L3MBTL4: variants seen among roughly 807,000 people sequenced by gnomAD.
L3MBTL4 encodes the protein L3MBTL histone methyl-lysine binding protein 4, also known as lethal(3)malignant brain tumor-like protein 4.
L3MBTL4 carries 70 observed loss-of-function variants against 84.5 expected under a neutral mutation model. The ratio of observed to expected loss-of-function variants is 0.83; its 90% CI spans 0.68 to 1.01. The LOEUF is 1.01. Among genes scored for constraint, L3MBTL4 ranks in the 50% least tolerant of loss-of-function variants. The pLI is 0.00. For synonymous variants in L3MBTL4, 274 were observed against 259.8 expected (o/e 1.05, Z -0.52); for missense variants, 715 against 754.8 (o/e 0.95, Z 0.62).
chr18:6,055,222 C>A (rs2056979870), intron 16 of L3MBTL4, among the ~76,000 whole-genome samples: 1 of 152,172 alleles, frequency 6.6e-6, no homozygotes, highest in South Asian at 2.1e-4. Flanking sequence ...GATATTTTAA[C>A]CTTTGGCACA....
In L3MBTL4 at chr18:6,247,645, A is replaced by AT. The variant is rs58646046; in HGVS notation, c.220-3058dup. ...AGGTGTAAGCCACCATGCCCGGCTA[A>AT]TTTTTTTTTTTTTTTTTTTGTATTT... On this transcript the variant is annotated intron_variant, in intron 5 of 18. Transcript: ENST00000317931. Among the ~76,000 whole-genome samples, 847 of 127,756 alleles carry AT rather than the reference A, an allele frequency of 6.6e-3. 6 individuals carry two copies. Among genetic ancestry groups the AT allele is most frequent in the African/African-American group, 9.9e-3 (334 of 33,762 alleles). The allele number at this position is 127,756 out of a possible 152,430, so 83.8% of individuals were successfully genotyped here.
At position 6,361,020 on chromosome 18, in the gene L3MBTL4, T is replaced by TAAA. The variant is rs34239414; in HGVS notation, c.-90-48967_-90-48965dup. Among the ~76,000 whole-genome samples, 128 of 110,036 alleles carry TAAA rather than the reference T, an allele frequency of 1.2e-3. 1 individual carries two copies. Among genetic ancestry groups the TAAA allele is most frequent in the African/African-American group, 4.0e-3 (125 of 31,544 alleles). 72.2% of individuals were successfully genotyped at this position (110,036 alleles called of 152,430 possible). The stretch of plus-strand genomic sequence containing the variant: ...GCAAGAGAATAAGACTCTACCTGAT[T>TAAA]AAAAAAAAAAAAAAAAAAGATACTG... On this transcript the variant is annotated intron_variant, in intron 1 of 18. Coordinates refer to ENST00000317931, the MANE Select transcript of L3MBTL4 (RefSeq NM_001330559.2).
chr18:6,164,164 G>C (rs1225998156), intron 13 of L3MBTL4, among the ~76,000 whole-genome samples: 1 of 152,198 alleles, frequency 6.6e-6, no homozygotes, highest in African/African-American at 2.4e-5. Flanking sequence ...GGCTTGAGTA[G>C]GTAAACAAAG....
chr18:6,219,928 T>G (rs1027572148), intron 10 of L3MBTL4, among the ~76,000 whole-genome samples: 1 of 151,910 alleles, frequency 6.6e-6, no homozygotes, highest in Non-Finnish European at 1.5e-5. Context: ...CAGCTGGACA[T>G]GGCGGCACAC....
chr18:6,144,892 A>C (rs1285471754), intron 13 of L3MBTL4, among the ~76,000 whole-genome samples: 1 of 152,222 alleles, frequency 6.6e-6, no homozygotes, highest in African/African-American at 2.4e-5. Context: ...TGTTGAGGGA[A>C]GAAGAGAAAA....
intron 4 of L3MBTL4, among the ~76,000 whole-genome samples, chr18:6,266,797 C>A (rs1007375727): frequency 6.6e-6 from 1 of 152,074 alleles, no homozygotes; most frequent in Non-Finnish European, 1.5e-5. Flanking sequence ...ATGGTGCATG[C>A]CTATAATCCC....
At chr18:6,000,132 G>A (rs535745722) in intron 16 of L3MBTL4, among the ~76,000 whole-genome samples, 4 of 152,238 alleles carry the variant, frequency 2.6e-5, no homozygotes, top group South Asian at 2.1e-4. Context: ...ATGATATGGT[G>A]TTGTTATAAA....
At position 6,105,441 on chromosome 18, in the gene L3MBTL4, C is replaced by T. The variant is rs181388412; in HGVS notation, c.1200-11913G>A. Among the ~76,000 whole-genome samples, 587 of 151,654 alleles carry T rather than the reference C, an allele frequency of 3.9e-3. 1 individual carries two copies. Among genetic ancestry groups the T allele is most frequent in the African/African-American group, 0.013 (551 of 41,434 alleles). On this transcript the variant is annotated intron_variant, in intron 14 of 18. Coordinates refer to ENST00000317931, the MANE Select transcript of L3MBTL4 (RefSeq NM_001330559.2). ...CTGATCTCAGGTGATTCTCCTGCCT[C>T]GATCTCCCGAAGTGCTGGGATTACA...
intron 16 of L3MBTL4, among the ~76,000 whole-genome samples, chr18:5,977,390 T>C (rs1365532866): frequency 6.6e-6 from 1 of 152,110 alleles, no homozygotes; most frequent in African/African-American, 2.4e-5. Context: ...CTGAGTCAGC[T>C]CCCTCCCTCC....
intron 4 of L3MBTL4, among the ~76,000 whole-genome samples, chr18:6,281,618 T>G (rs1047416959): frequency 1.3e-5 from 2 of 152,238 alleles, no homozygotes; most frequent in Non-Finnish European, 2.9e-5. Flanking sequence ...TCAAGCATCC[T>G]TTCTGTGTTT....
chr18:6,183,184 A>G (rs573708369), intron 12 of L3MBTL4, among the ~76,000 whole-genome samples: 1 of 152,328 alleles, frequency 6.6e-6, no homozygotes, highest in South Asian at 2.1e-4. Context: ...TAAATATTTC[A>G]TCAGAGTTAG....
intron 1 of L3MBTL4, among the ~76,000 whole-genome samples, chr18:6,378,298 G>A (rs2054455114): frequency 1.3e-5 from 2 of 152,076 alleles, no homozygotes; most frequent in South Asian, 4.1e-4. Flanking sequence ...AGTTTATTTT[G>A]CTGTGCAGAA....
intron 1 of L3MBTL4, among the ~76,000 whole-genome samples, chr18:6,389,660 T>A (rs1402639994): frequency 6.6e-6 from 1 of 152,080 alleles, no homozygotes; most frequent in Non-Finnish European, 1.5e-5. Context: ...TATCCTTACA[T>A]CAGACAAAAC....
chr18:6,072,198 C>T (rs2057682330), intron 16 of L3MBTL4, among the ~76,000 whole-genome samples: 3 of 151,940 alleles, frequency 2.0e-5, no homozygotes. Context: ...AATATCACAA[C>T]CATAGTAGAG....
chr18:6,104,639 T>C (rs2058940062), intron 14 of L3MBTL4, among the ~76,000 whole-genome samples: 1 of 152,216 alleles, frequency 6.6e-6, no homozygotes, highest in South Asian at 2.1e-4. Flanking sequence ...GATTAAGTTC[T>C]AGAGATCTGC....
intron 13 of L3MBTL4, among the ~76,000 whole-genome samples, chr18:6,147,411 GCTTGTA>G (rs1372785500): frequency 1.3e-5 from 2 of 152,018 alleles, no homozygotes; most frequent in African/African-American, 4.8e-5. Context: ...CACCATGTTT[GCTTGTA>G]CCTGGGTTTC....
intron 14 of L3MBTL4, among the ~76,000 whole-genome samples, chr18:6,132,737 C>G (rs897583130): frequency 1.4e-4 from 22 of 152,112 alleles, no homozygotes; most frequent in Admixed American, 2.6e-4. Flanking sequence ...CAATTAGACC[C>G]CATTTACATT....
chr18:6,280,671 A>G (rs2049282983), intron 4 of L3MBTL4, among the ~76,000 whole-genome samples: 1 of 152,210 alleles, frequency 6.6e-6, no homozygotes, highest in African/African-American at 2.4e-5. Flanking sequence ...AGAGGTGGTT[A>G]AGCTAAGGTC....
intron 1 of L3MBTL4, among the ~76,000 whole-genome samples, chr18:6,371,327 G>A (rs79870909): frequency 1.3e-3 from 197 of 152,280 alleles, no homozygotes; most frequent in Admixed American, 2.3e-3. Context: ...CACACAGAGC[G>A]GAGTTCTGGA....
Sources: allele counts gnomAD v4.1 joint callset (sites outside exome capture counted in the v4.1 genomes callset), GRCh38; gene constraint gnomAD v4.1.1; transcripts MANE v1.5; gene names NCBI Gene and HGNC (gene_info 2026-07-23, HGNC 2026-07-21).